The following OR14A2 variants were observed in gnomAD, a reference collection of about 807,000 sequenced individuals.
OR14A2 encodes olfactory receptor family 14 subfamily A member 2, also known as olfactory receptor 14A2.
For missense variants in OR14A2, 237 were observed against 152.9 expected (o/e 1.55, Z -2.90); for synonymous variants, 114 against 58.6 (o/e 1.95, Z -4.32).
chr1:247,734,930 C>T, the OR14A2 span, among the ~76,000 whole-genome samples: 652 of 152,248 alleles, frequency 4.3e-3, 5 homozygotes, highest in African/African-American at 0.015. Flanking sequence ...CTGGAAATTA[C>T]GTGAATATAA....
exon 1 of OR14A2, chr1:247,723,787 T>C (rs1220767252): frequency 2.8e-6 from 2 of 718,058 alleles, no homozygotes; most frequent in East Asian, 5.4e-5. Context: ...GGAATTGTTG[T>C]GGGTTAGGTT....
the OR14A2 span, among the ~76,000 whole-genome samples, chr1:247,737,853 A>G: frequency 6.6e-6 from 1 of 152,186 alleles, no homozygotes; most frequent in Non-Finnish European, 1.5e-5. Context: ...TAGATGCAGT[A>G]GATATCCCTG....
the OR14A2 span, among the ~76,000 whole-genome samples, chr1:247,747,519 G>A: frequency 4.2e-3 from 636 of 151,940 alleles, 8 homozygotes; most frequent in African/African-American, 0.013. Flanking sequence ...TCGCCACCAC[G>A]CCCGGCTAAT....
At chr1:247,733,483 G>T in the OR14A2 span, among the ~76,000 whole-genome samples, 3 of 152,100 alleles carry the variant, frequency 2.0e-5, no homozygotes, top group Admixed American at 2.0e-4. Flanking sequence ...CTGTTTATCT[G>T]TTCAATCATG....
the OR14A2 span, among the ~76,000 whole-genome samples, chr1:247,740,692 G>C: frequency 6.6e-6 from 1 of 152,120 alleles, no homozygotes; most frequent in African/African-American, 2.4e-5. Context: ...TAAATGTGTA[G>C]AATTGTTTTC....
chr1:247,723,152 C>G (rs776705893), exon 1 of OR14A2: 14 of 717,414 alleles, frequency 2.0e-5, no homozygotes, highest in Middle Eastern at 2.3e-4. Context: ...CTTATCAGAG[C>G]ACATTTCATG....
chr1:247,733,521 C>T, the OR14A2 span, among the ~76,000 whole-genome samples: 1 of 152,120 alleles, frequency 6.6e-6, no homozygotes, highest in Non-Finnish European at 1.5e-5. Context: ...TCCCTCACTC[C>T]CTGTCCTTTC....
chr1:247,728,262 G>A (rs983425752), upstream of OR14A2, among the ~76,000 whole-genome samples: 6 of 152,102 alleles, frequency 3.9e-5, no homozygotes, highest in Non-Finnish European at 7.4e-5. Flanking sequence ...TGCAAGGCTC[G>A]TTCAATATAC....
At chr1:247,725,493 ATTTATTTATTTATTTATTTATTT>A (rs1660320168), upstream of OR14A2, among the ~76,000 whole-genome samples, 1 of 149,770 alleles carries the variant, frequency 6.7e-6, no homozygotes, top group African/African-American at 2.5e-5. Context: ...GATTTTATTT[ATTTATTTATTTATTTATTTATTT>A]TTTATTTATT....
At chr1:247,724,606 A>G (rs1036964790), upstream of OR14A2, among the ~76,000 whole-genome samples, 2 of 152,176 alleles carry the variant, frequency 1.3e-5, no homozygotes, top group African/African-American at 4.8e-5. Context: ...GGGAAAATAA[A>G]CAAGGATTTG....
At chr1:247,737,450 C>T in the OR14A2 span, among the ~76,000 whole-genome samples, 1 of 152,164 alleles carries the variant, frequency 6.6e-6, no homozygotes, top group African/African-American at 2.4e-5. Context: ...AAAGCACTGG[C>T]AGTAGCTTTA....
chr1:247,742,373 C>T, the OR14A2 span, among the ~76,000 whole-genome samples: 13,205 of 147,996 alleles, frequency 0.089, 829 homozygotes, highest in Non-Finnish European at 0.13. Context: ...AATACACGCA[C>T]ACACACACAC....
At chr1:247,738,976 A>G in the OR14A2 span, 4 of 780,424 alleles carry the variant, frequency 5.1e-6, no homozygotes, top group African/African-American at 3.4e-5. Flanking sequence ...TATGACCGCT[A>G]TGCTGCCATC....
chr1:247,724,623 A>T (rs570383681), upstream of OR14A2, among the ~76,000 whole-genome samples: 1 of 152,280 alleles, frequency 6.6e-6, no homozygotes, highest in South Asian at 2.1e-4. Flanking sequence ...TTTGTTGTTC[A>T]ATGTTTGTAT....
chr1:247,732,868 G>C, the OR14A2 span, among the ~76,000 whole-genome samples: 1 of 152,058 alleles, frequency 6.6e-6, no homozygotes, highest in Non-Finnish European at 1.5e-5. Context: ...GACTCAGCAC[G>C]CCCTTCCCCC....
chr1:247,728,354 G>T (rs945255358), upstream of OR14A2, among the ~76,000 whole-genome samples: 1 of 151,860 alleles, frequency 6.6e-6, no homozygotes, highest in Non-Finnish European at 1.5e-5. Context: ...GCAGAAAAAG[G>T]CTTTGACAAA....
At chr1:247,723,200 C>A (rs1660241768) in exon 1 of OR14A2, 2 of 717,620 alleles carry the variant, frequency 2.8e-6, no homozygotes, top group Middle Eastern at 2.3e-4. Context: ...GGGTTAAATA[C>A]TGGAGGCATC....
chr1:247,739,743 TTA>T, the OR14A2 span, among the ~76,000 whole-genome samples: 20 of 146,870 alleles, frequency 1.4e-4, no homozygotes, highest in African/African-American at 2.7e-4. Flanking sequence ...CTTTTTTTTT[TTA>T]AAATTTTGAG....
chr1:247,727,091 G>A (rs1047138564), upstream of OR14A2, among the ~76,000 whole-genome samples: 92 of 150,920 alleles, frequency 6.1e-4, 1 homozygote, highest in Admixed American at 1.6e-3. Flanking sequence ...TAGCTTGATG[G>A]GGATGGCATT....
Sources: gnomAD v4.1 joint callset for allele counts (sites outside exome capture counted in the v4.1 genomes callset) on GRCh38, gnomAD v4.1.1 for gene constraint, MANE v1.5 for transcripts, NCBI Gene and HGNC (gene_info 2026-07-23, HGNC 2026-07-21) for gene names.